KCNT2: variants seen among roughly 807,000 people sequenced by gnomAD.
KCNT2 encodes the protein potassium sodium-activated channel subfamily T member 2, also known as potassium channel subfamily T member 2.
Under a neutral mutation model 153.8 loss-of-function variants are expected in KCNT2, and 67 were observed. The ratio of observed to expected loss-of-function variants is 0.44; its 90% CI spans 0.36 to 0.53. The LOEUF is 0.53. KCNT2 is among the 20% of genes least tolerant of loss of function. KCNT2 has a pLI of 0.00. For synonymous variants in KCNT2, 500 were observed against 458.8 expected (o/e 1.09, Z -1.15); for missense variants, 975 against 1,354.8 (o/e 0.72, Z 4.40).
At chr1:196,286,823 G>T (rs1027417393) in intron 22 of KCNT2, among the ~76,000 whole-genome samples, 1 of 152,034 alleles carries the variant, frequency 6.6e-6, no homozygotes, top group Non-Finnish European at 1.5e-5. Context: ...TCTTGAGAAT[G>T]TAAGTTAAGC....
intron 1 of KCNT2, among the ~76,000 whole-genome samples, chr1:196,553,788 C>A (rs1245073128): frequency 6.6e-6 from 1 of 150,910 alleles, no homozygotes; most frequent in Non-Finnish European, 1.5e-5. Context: ...CTCATTGAGT[C>A]TAACAAGGGA....
rs12141981 is a variant in KCNT2, at chr1:196,416,281, A to G, written c.1185+6769T>C. Among the ~76,000 whole-genome samples the G allele has an allele frequency of 7.8e-3, 1,192 of 152,202 alleles. 12 individuals are homozygous for G. Among genetic ancestry groups the G allele is most frequent in the Admixed American group, 0.012 (178 of 15,252 alleles). ...TTGGATATGCCAAAAAGAAGGCATC[A>G]AGTGCCTCCTTGAAGTGAAAAGATG... On this transcript the variant is annotated intron_variant, in intron 12 of 27. Transcript: ENST00000294725.
chr1:196,524,172 C>A (rs1320398254), intron 1 of KCNT2, among the ~76,000 whole-genome samples: 1 of 152,174 alleles, frequency 6.6e-6, no homozygotes, highest in Non-Finnish European at 1.5e-5. Flanking sequence ...TCCTAGTTCT[C>A]CACTTCAGAA....
At chr1:196,377,093 C>CA (rs1449592880) in intron 13 of KCNT2, among the ~76,000 whole-genome samples, 1 of 151,840 alleles carries the variant, frequency 6.6e-6, no homozygotes, top group Non-Finnish European at 1.5e-5. Context: ...TTGGAGATGA[C>CA]AGAGGAGTGA....
At chr1:196,325,369 C>T (rs1009448367) in intron 19 of KCNT2, among the ~76,000 whole-genome samples, 1 of 152,068 alleles carries the variant, frequency 6.6e-6, no homozygotes, top group African/African-American at 2.4e-5. Flanking sequence ...TTTGCAAATG[C>T]CATTGTCTTA....
At chr1:196,301,736 G>GATTT (rs1009972686) in intron 22 of KCNT2, among the ~76,000 whole-genome samples, 16 of 152,088 alleles carry the variant, frequency 1.1e-4, no homozygotes, top group African/African-American at 1.4e-4. Context: ...GTTTATTTCT[G>GATTT]ATTTATTTAT....
chr1:196,427,987 A>G (rs1404105957), intron 10 of KCNT2, 118 bp downstream of exon 10: 2 of 670,082 alleles, frequency 3.0e-6, no homozygotes, highest in Admixed American at 2.7e-5. Flanking sequence ...TACTCCTTCT[A>G]TATTTGGTTG....
chr1:196,480,161 C>T (rs1393069893), intron 4 of KCNT2, among the ~76,000 whole-genome samples: 1 of 151,996 alleles, frequency 6.6e-6, no homozygotes, highest in African/African-American at 2.4e-5. Flanking sequence ...TACTCTACAA[C>T]CTTAGGATAG....
At chr1:196,436,559 T>G (rs1373152043) in intron 8 of KCNT2, among the ~76,000 whole-genome samples, 1 of 151,486 alleles carries the variant, frequency 6.6e-6, no homozygotes, top group Non-Finnish European at 1.5e-5. Context: ...ACGTAAAGAT[T>G]TGAAGCAATA....
rs781654018 is a variant in KCNT2 at position 196,326,819 on chromosome 1, G to C, written c.2174C>G (p.Ala725Gly). The change falls in exon 19 of 28, where the codon GCT (alanine) becomes GGT (glycine). Residue 725 changes from alanine (A) to glycine (G), a missense_variant. Physicochemically the swap from Ala to Gly is moderately conservative, Grantham distance 60 (BLOSUM62 0). Transcript: ENST00000294725. ...ATATAATCCATTTCCAGCTGTTTCA[G>C]CTGCAACTATAATTAGTTTATTTTT... ...GFKNKLIIVAAETAGNGLYNF... is the reference protein window; with the variant it reads ...GFKNKLIIVAGETAGNGLYNF... 1 of 1,585,482 alleles carries C rather than the reference G, an allele frequency of 6.3e-7. No homozygotes were observed. The highest frequency in any genetic ancestry group is 8.6e-7 in the Non-Finnish European group (1 of 1,169,032).
intron 13 of KCNT2, among the ~76,000 whole-genome samples, chr1:196,384,697 A>AC (rs762119379): frequency 5.6e-4 from 56 of 100,304 alleles, no homozygotes; most frequent in Non-Finnish European, 1.0e-3. Flanking sequence ...ACAGAGTGAG[A>AC]CCCCATCTCC....
At chr1:196,509,797 G>A (rs1024698846) in intron 1 of KCNT2, among the ~76,000 whole-genome samples, 11 of 152,204 alleles carry the variant, frequency 7.2e-5, no homozygotes, top group African/African-American at 2.7e-4. Context: ...TGACAATGAT[G>A]AGAGTGTGCC....
intron 12 of KCNT2, among the ~76,000 whole-genome samples, chr1:196,418,633 T>G (rs1338662558): frequency 1.3e-5 from 2 of 152,110 alleles, no homozygotes; most frequent in African/African-American, 4.8e-5. Context: ...TTACTTTATA[T>G]GCACACCCAC....
chr1:196,321,973 A>C (rs1663364307), intron 19 of KCNT2, among the ~76,000 whole-genome samples: 1 of 151,976 alleles, frequency 6.6e-6, no homozygotes, highest in South Asian at 2.1e-4. Context: ...GGAGGCAGCT[A>C]ATTGGCAAGC....
intron 1 of KCNT2, among the ~76,000 whole-genome samples, chr1:196,567,128 T>G (rs1660206496): frequency 1.3e-5 from 2 of 152,094 alleles, no homozygotes; most frequent in Admixed American, 1.3e-4. Context: ...AAATATGAAT[T>G]CCTTAATTAC....
At position 196,323,440 on chromosome 1, in the gene KCNT2, A is replaced by T. The variant is rs184362973; in HGVS notation, c.2276+3277T>A. Among the ~76,000 whole-genome samples the T allele has an allele frequency of 3.9e-5, 6 of 152,004 alleles. No individual in the cohort carries two copies. The East Asian group carries it at 9.7e-4, about 25-fold the overall frequency. On this transcript the variant is annotated intron_variant, in intron 19 of 27. Coordinates refer to ENST00000294725, the MANE Select transcript of KCNT2 (RefSeq NM_198503.5). ...GACCTTTAAGGTTGGGGTGGTAATC[A>T]AAATATTTAAAATCAGTATGGCACA...
At chr1:196,558,992 T>C (rs1436731742) in intron 1 of KCNT2, among the ~76,000 whole-genome samples, 1 of 151,342 alleles carries the variant, frequency 6.6e-6, no homozygotes, top group East Asian at 1.9e-4. Context: ...ACAAATGAGG[T>C]ATGCATAAGA....
At chr1:196,466,551 T>G (rs991179901) in intron 7 of KCNT2, among the ~76,000 whole-genome samples, 1 of 152,058 alleles carries the variant, frequency 6.6e-6, no homozygotes, top group African/African-American at 2.4e-5. Flanking sequence ...TAATTTTCAA[T>G]GCAGTAAAAT....
chr1:196,272,390 C>T (rs181021376), intron 25 of KCNT2, among the ~76,000 whole-genome samples: 6 of 151,836 alleles, frequency 4.0e-5, no homozygotes, highest in South Asian at 2.1e-4. Context: ...TTAATTAAAT[C>T]GAAGAAAGGC....
Sources: allele counts gnomAD v4.1 joint callset (sites outside exome capture counted in the v4.1 genomes callset), GRCh38; gene constraint gnomAD v4.1.1; transcripts MANE v1.5; gene names NCBI Gene and HGNC (gene_info 2026-07-23, HGNC 2026-07-21).